Variants in EPG5 observed in about 807,000 individuals in gnomAD.
EPG5 encodes ectopic P granules protein 5 homolog.
Under a neutral mutation model 302.7 loss-of-function variants are expected in EPG5, and 159 were observed. That is an observed-to-expected ratio of 0.53 (90% CI 0.46 to 0.60). The LOEUF (loss-of-function observed/expected upper bound fraction) is 0.60. Ranked by LOEUF, EPG5 falls within the 20% of genes least tolerant of loss-of-function variation. The probability of loss-of-function intolerance (pLI) is 0.00; values close to 1 mark genes in which losing one functional copy is unlikely to be tolerated. For synonymous variants in EPG5, 1,158 were observed against 1,136.8 expected (o/e 1.02, Z -0.37); for missense variants, 2,896 against 3,092.4 (o/e 0.94, Z 1.51).
chr18:45,960,497 T>A (rs376808800), intron 1 of EPG5, among the ~76,000 whole-genome samples: 7 of 152,044 alleles, frequency 4.6e-5, no homozygotes, highest in African/African-American at 1.7e-4. Context: ...TTTCTTTATT[T>A]TTGATCTCCA....
chr18:45,910,647 G>T lies in EPG5; in HGVS notation c.4079C>A (p.Ala1360Asp). Residue 1360 changes from alanine to aspartate, a missense_variant, in exon 23 of 44, where the codon GCT (alanine) becomes GAT (aspartate). Around this residue, in one of 5 missense-constraint regions of EPG5, gnomAD observed 790 missense variants for 798.0 expected, o/e 0.99. Coordinates refer to ENST00000282041, the MANE Select transcript of EPG5 (RefSeq NM_020964.3). The part of the protein sequence containing the change: ...KEMKRRLTEV[A>D]DFHHAASKAL... ...CTTGCTTGCAGCATGGTGGAAGTCAGCCACCTCGGTCAAACGTCTCTTCAT... is the reference window on the plus strand; with the variant it reads ...CTTGCTTGCAGCATGGTGGAAGTCATCCACCTCGGTCAAACGTCTCTTCAT... The T allele has an allele frequency of 6.2e-7, 1 of 1,614,166 alleles. No individual in the cohort carries two copies. Among genetic ancestry groups the T allele is most frequent in the Non-Finnish European group, 8.5e-7 (1 of 1,180,022 alleles).
intron 4 of EPG5, 84 bp from the exon 5 acceptor site, chr18:45,949,675 T>A (rs2050861688): frequency 2.5e-6 from 2 of 795,908 alleles, no homozygotes; most frequent in Non-Finnish European, 4.1e-6. Context: ...ATTTATCCAG[T>A]GCTTCAATAC....
the EPG5 span, among the ~76,000 whole-genome samples, chr18:45,808,017 G>A: frequency 6.6e-6 from 1 of 152,068 alleles, no homozygotes; most frequent in Non-Finnish European, 1.5e-5. Flanking sequence ...CAATGAAATA[G>A]ATAACAAAAA....
chr18:45,931,410 C>A (rs1451923234), intron 11 of EPG5, among the ~76,000 whole-genome samples: 1 of 152,106 alleles, frequency 6.6e-6, no homozygotes, highest in African/African-American at 2.4e-5. Flanking sequence ...ATATGTTTTG[C>A]CTATATCACA....
At chr18:45,828,314 T>C in the EPG5 span, among the ~76,000 whole-genome samples, 3 of 152,280 alleles carry the variant, frequency 2.0e-5, no homozygotes, top group East Asian at 3.9e-4. Context: ...CTCCCCTTCA[T>C]GCAGGAGACC....
rs1269756096 is a variant in EPG5 at position 45,870,602 on chromosome 18, G to A, written c.6190C>T (p.His2064Tyr). The change falls in exon 36 of 44, where the codon CAC (histidine) becomes TAC (tyrosine). Residue 2064 changes from histidine (H) to tyrosine (Y), a missense_variant. Around this residue, in one of 5 missense-constraint regions of EPG5, gnomAD observed 620 missense variants for 704.2 expected, o/e 0.88. Transcript: ENST00000282041. ...GCCTCCATGAGCATCTGGTCAGGGT[G>A]CAGGTCCTTCCATGGCAGTTTCCGG... ...TYRKLPWKDL[H>Y]PDQMLMEAFF... The A allele has an allele frequency of 2.5e-6, 4 of 1,614,112 alleles. No individual in the cohort carries two copies. Among genetic ancestry groups the A allele is most frequent in the Non-Finnish European group, 3.4e-6 (4 of 1,179,984 alleles).
chr18:45,934,208 G>A (rs2050465029), intron 11 of EPG5, among the ~76,000 whole-genome samples: 1 of 152,058 alleles, frequency 6.6e-6, no homozygotes, highest in African/African-American at 2.4e-5. Flanking sequence ...AGAATCACTT[G>A]AACCCAGGAG....
intron 14 of EPG5, 45 bp downstream of exon 14, chr18:45,925,693 T>G: frequency 4.4e-6 from 6 of 1,372,154 alleles, no homozygotes; most frequent in Non-Finnish European, 5.7e-6. Context: ...TTGAAACAGA[T>G]GCATGTACAA....
chr18:45,910,786 T>G (rs2049875209), intron 22 of EPG5, 44 bp from the exon 23 acceptor site: 1 of 1,489,772 alleles, frequency 6.7e-7, no homozygotes, highest in Non-Finnish European at 9.3e-7. Context: ...CAACACAAGA[T>G]GTACTTTCTG....
chr18:45,905,207 C>A (rs906807505), intron 24 of EPG5, among the ~76,000 whole-genome samples: 3 of 152,136 alleles, frequency 2.0e-5, no homozygotes, highest in African/African-American at 4.8e-5. Context: ...TTAACAACAA[C>A]AACAAAAAGT....
the EPG5 span, among the ~76,000 whole-genome samples, chr18:45,824,523 T>C: frequency 0.016 from 2,413 of 152,272 alleles, 68 homozygotes; most frequent in African/African-American, 0.054. Context: ...CAATGAAATG[T>C]CATGAAAGGG....
chr18:45,956,464 T>TA (rs61449207), intron 1 of EPG5, among the ~76,000 whole-genome samples: 16,351 of 151,838 alleles, frequency 0.11, 1,141 homozygotes, highest in African/African-American at 0.2. Flanking sequence ...TTTATTTATT[T>TA]TTTTTTTTTT....
intron 24 of EPG5, among the ~76,000 whole-genome samples, chr18:45,906,200 A>C (rs2145627835): frequency 6.6e-6 from 1 of 152,266 alleles, no homozygotes; most frequent in Middle Eastern, 3.4e-3. Context: ...TGGGGGACAA[A>C]GTCAGAAATT....
intron 20 of EPG5, among the ~76,000 whole-genome samples, chr18:45,914,640 T>C (rs145230419): frequency 2.1e-3 from 315 of 152,340 alleles, no homozygotes; most frequent in African/African-American, 7.1e-3. Flanking sequence ...TGAGGACAGA[T>C]AGGTAGGCAA....
chr18:45,811,935 A>G, the EPG5 span, among the ~76,000 whole-genome samples: 1 of 152,074 alleles, frequency 6.6e-6, no homozygotes. Context: ...GGCAGGAGAA[A>G]GAAATAAAGG....
chr18:45,912,742 A>C (rs961224934), intron 21 of EPG5, among the ~76,000 whole-genome samples: 1 of 152,164 alleles, frequency 6.6e-6, no homozygotes, highest in African/African-American at 2.4e-5. Context: ...TTCATTTCTG[A>C]AATTCCTTGG....
At chr18:45,828,221 C>T in the EPG5 span, among the ~76,000 whole-genome samples, 2 of 152,196 alleles carry the variant, frequency 1.3e-5, no homozygotes, top group African/African-American at 4.8e-5. Context: ...AGTCGTGGTC[C>T]CTTCCCTAGC....
At chr18:45,840,227 G>T in the EPG5 span, 2 of 1,612,546 alleles carry the variant, frequency 1.2e-6, no homozygotes, top group South Asian at 2.2e-5. Flanking sequence ...TGGACACCCC[G>T]GACACCCCAC....
chr18:45,880,013 A>T (rs934953979), intron 32 of EPG5, 62 bp downstream of exon 32: 2 of 1,472,952 alleles, frequency 1.4e-6, no homozygotes, highest in Admixed American at 2.3e-5. Context: ...CTGCTTAAAA[A>T]ATGAATAGCA....
Sources: gnomAD v4.1 joint callset for allele counts (sites outside exome capture counted in the v4.1 genomes callset) on GRCh38, gnomAD v4.1.1 for gene constraint, gnomAD v4.1.1 regional missense constraint, MANE v1.5 for transcripts, NCBI Gene and HGNC (gene_info 2026-07-23, HGNC 2026-07-21) for gene names.